Variants in NLGN1 observed in about 807,000 individuals in gnomAD.
NLGN1 encodes the protein neuroligin 1, also known as neuroligin-1.
NLGN1 carries 12 observed loss-of-function variants against 65.5 expected under a neutral mutation model. The ratio of observed to expected loss-of-function variants is 0.18; its 90% CI spans 0.12 to 0.30. The LOEUF (loss-of-function observed/expected upper bound fraction) is 0.30, where lower values mean the gene tolerates loss of function less well. Ranked by LOEUF, NLGN1 falls within the 10% of genes least tolerant of loss-of-function variation. NLGN1 has a pLI of 1.00. For missense variants in NLGN1, 750 were observed against 1,007.1 expected, an observed-to-expected ratio of 0.74 and a Z score of 3.46; for synonymous variants, 350 against 359.5, an observed-to-expected ratio of 0.97 and a Z score of 0.30.
chr3:173,702,226 G>A (rs1198907111), intron 3 of NLGN1, among the ~76,000 whole-genome samples: 2 of 142,010 alleles, frequency 1.4e-5, no homozygotes, highest in South Asian at 2.2e-4. Flanking sequence ...GCGACAGAGC[G>A]AGACTCCGTC....
At chr3:173,850,667 C>G (rs1229209204) in intron 4 of NLGN1, among the ~76,000 whole-genome samples, 1 of 152,064 alleles carries the variant, frequency 6.6e-6, no homozygotes, top group Admixed American at 6.5e-5. Flanking sequence ...CCACATTTAA[C>G]TAATTTTTTA....
At chr3:174,069,019 ATC>A (rs1375822486) in intron 4 of NLGN1, among the ~76,000 whole-genome samples, 1 of 152,094 alleles carries the variant, frequency 6.6e-6, no homozygotes, top group Non-Finnish European at 1.5e-5. Context: ...TTCTGTGCCA[ATC>A]TGTGTGGTGG....
At chr3:173,835,861 A>T (rs1324976969) in intron 4 of NLGN1, among the ~76,000 whole-genome samples, 2 of 152,196 alleles carry the variant, frequency 1.3e-5, no homozygotes, top group African/African-American at 4.8e-5. Flanking sequence ...TCAATAGATA[A>T]GGGAATTTGA....
intron 4 of NLGN1, among the ~76,000 whole-genome samples, chr3:173,861,282 T>G (rs1729019571): frequency 6.6e-6 from 1 of 151,904 alleles, no homozygotes; most frequent in Admixed American, 6.6e-5. Context: ...ACTGTAAATT[T>G]AATGTGTAAT....
chr3:174,294,364 T>A, the NLGN1 span, among the ~76,000 whole-genome samples: 9 of 151,780 alleles, frequency 5.9e-5, no homozygotes, highest in Non-Finnish European at 1.3e-4. Context: ...AAATCAGTAC[T>A]TTTGGTCATG....
chr3:174,074,838 C>T (rs1740578966), intron 4 of NLGN1, among the ~76,000 whole-genome samples: 1 of 152,186 alleles, frequency 6.6e-6, no homozygotes. Flanking sequence ...CAGTCCGTTA[C>T]ACAGTCTTGC....
At chr3:173,883,476 TGACACAGAGAG>T (rs1269897697) in intron 4 of NLGN1, among the ~76,000 whole-genome samples, 1 of 152,154 alleles carries the variant, frequency 6.6e-6, no homozygotes. Flanking sequence ...TACCAATATG[TGACACAGAGAG>T]GTGAGCACAC....
At chr3:174,264,643 T>C (rs1427442549) in intron 4 of NLGN1, among the ~76,000 whole-genome samples, 1 of 150,668 alleles carries the variant, frequency 6.6e-6, no homozygotes, top group Non-Finnish European at 1.5e-5. Context: ...CTCCCGCAGC[T>C]CAGAGTAATT....
At chr3:173,850,851 C>A (rs1370527509) in intron 4 of NLGN1, among the ~76,000 whole-genome samples, 1 of 152,072 alleles carries the variant, frequency 6.6e-6, no homozygotes, top group Non-Finnish European at 1.5e-5. Context: ...ATCCTCCCAC[C>A]TCAGCCTCCT....
At chr3:173,476,116 A>G (rs867379695) in intron 2 of NLGN1, among the ~76,000 whole-genome samples, 125 of 152,302 alleles carry the variant, frequency 8.2e-4, no homozygotes, top group African/African-American at 2.8e-3. Context: ...CAAGAAGACA[A>G]CTAACATCCC....
upstream of NLGN1, chr3:173,398,358 C>T (rs557553675): frequency 6.6e-6 from 1 of 152,266 alleles, no homozygotes; most frequent in African/African-American, 2.4e-5. Flanking sequence ...GATGTCACTC[C>T]CTAGATCCCC....
intron 3 of NLGN1, among the ~76,000 whole-genome samples, chr3:173,760,406 A>C (rs950990273): frequency 6.6e-6 from 1 of 151,818 alleles, no homozygotes; most frequent in Non-Finnish European, 1.5e-5. Flanking sequence ...TATGAGAATC[A>C]TAATAGTTTC....
At chr3:174,202,861 A>G (rs1443394356) in intron 4 of NLGN1, 2 of 152,216 alleles carry the variant, frequency 1.3e-5, no homozygotes, top group African/African-American at 2.4e-5. Flanking sequence ...AGATACACAC[A>G]GGTGGTTGAG....
Position 173,834,383 on chromosome 3 carries a change from G to A in NLGN1, c.646+26551G>A, listed in dbSNP as rs183969438. The stretch of plus-strand genomic sequence containing the variant: ...TTTTACTTTATATATTTTAAAATCA[G>A]CTCCTCTAGTTTTAAAATTTTACTA... On this transcript the variant is annotated intron_variant, in intron 4 of 6. Transcript: ENST00000457714. Among the ~76,000 whole-genome samples the A allele has an allele frequency of 2.8e-4, 42 of 151,960 alleles. No homozygotes were observed. In the East Asian group the frequency reaches 7.4e-3, roughly 27 times the overall value.
At chr3:173,632,043 A>G (rs1755764863) in intron 3 of NLGN1, among the ~76,000 whole-genome samples, 2 of 152,108 alleles carry the variant, frequency 1.3e-5, no homozygotes, top group Admixed American at 6.6e-5. Context: ...CTTTAAATCT[A>G]GCAATACTAG....
intron 3 of NLGN1, among the ~76,000 whole-genome samples, chr3:173,658,730 T>A (rs755352091): frequency 4.6e-5 from 7 of 151,952 alleles, no homozygotes; most frequent in Admixed American, 2.0e-4. Context: ...AGGGTCCTGT[T>A]TCAAGGGTAT....
At chr3:174,201,675 A>G (rs1734542206) in intron 4 of NLGN1, among the ~76,000 whole-genome samples, 1 of 152,206 alleles carries the variant, frequency 6.6e-6, no homozygotes, top group African/African-American at 2.4e-5. Flanking sequence ...ATATAAAAGG[A>G]GAGGGCAATA....
intron 4 of NLGN1, among the ~76,000 whole-genome samples, chr3:173,989,075 A>C (rs573438236): frequency 6.6e-6 from 1 of 152,166 alleles, no homozygotes; most frequent in African/African-American, 2.4e-5. Flanking sequence ...TGGCTCAGCT[A>C]ATTTCATTCT....
intron 2 of NLGN1, among the ~76,000 whole-genome samples, chr3:173,589,684 A>G (rs1192452530): frequency 3.3e-5 from 5 of 152,200 alleles, no homozygotes; most frequent in Admixed American, 2.6e-4. Context: ...GTCTTATTGT[A>G]TACATATGGT....
Sources: gnomAD v4.1 joint callset for allele counts (sites outside exome capture counted in the v4.1 genomes callset) on GRCh38, gnomAD v4.1.1 for gene constraint, MANE v1.5 for transcripts, NCBI Gene and HGNC (gene_info 2026-07-23, HGNC 2026-07-21) for gene names.